The following TSHZ3 variants were observed in gnomAD, a reference collection of about 807,000 sequenced individuals.
TSHZ3 encodes the protein teashirt homolog 3.
TSHZ3 carries 10 observed loss-of-function variants against 64.5 expected under a neutral mutation model. The ratio of observed to expected loss-of-function variants is 0.16; its 90% confidence interval spans 0.10 to 0.26. The LOEUF is 0.26. Ranked by LOEUF, TSHZ3 falls within the 10% of genes least tolerant of loss-of-function variation. The pLI is 1.00. For synonymous variants in TSHZ3, 608 were observed against 593.1 expected, an observed-to-expected ratio of 1.03 and a Z score of -0.36; for missense variants, 1,242 against 1,421.7, an observed-to-expected ratio of 0.87 and a Z score of 2.03.
At chr19:31,208,698 G>A (rs1975220199) in intron 4 of TSHZ3, among the ~76,000 whole-genome samples, 1 of 152,182 alleles carries the variant, frequency 6.6e-6, no homozygotes, top group South Asian at 2.1e-4. Flanking sequence ...TTATGTAGGG[G>A]CAGTGAAGAC....
At chr19:31,268,985 A>G (rs1217841724) in intron 1 of TSHZ3, among the ~76,000 whole-genome samples, 1 of 152,104 alleles carries the variant, frequency 6.6e-6, no homozygotes, top group Non-Finnish European at 1.5e-5. Flanking sequence ...AGGTCCCCAC[A>G]GGTGCTATCC....
chr19:31,196,409 G>A (rs1974994496), intron 5 of TSHZ3, among the ~76,000 whole-genome samples: 1 of 151,906 alleles, frequency 6.6e-6, no homozygotes, highest in Non-Finnish European at 1.5e-5. Flanking sequence ...GAGATAACAA[G>A]AACAAAGGGA....
chr19:31,349,890 G>A (rs949893801), upstream of TSHZ3, among the ~76,000 whole-genome samples: 4 of 146,300 alleles, frequency 2.7e-5, no homozygotes, highest in South Asian at 2.1e-4. Context: ...TCGCCCGCCC[G>A]CGGGGGCGCC....
In TSHZ3 at chr19:31,322,529, T is replaced by C. The variant is rs570034118; in HGVS notation, c.40+26651A>G. ...ATGAACTCCTGGGCTCAAGGGATTC[T>C]CCCATCTCAGCCTCCCAAGTAGCTG... is the stretch of plus-strand genomic sequence containing the variant. On this transcript the variant is annotated intron_variant, in intron 1 of 1. Coordinates refer to ENST00000240587, the MANE Select transcript of TSHZ3 (RefSeq NM_020856.4). Among the ~76,000 whole-genome samples, 3 of 152,198 alleles carry C rather than the reference T, an allele frequency of 2.0e-5. No homozygotes were observed. In the East Asian group the frequency reaches 5.8e-4, roughly 29 times the overall value.
intron 5 of TSHZ3, among the ~76,000 whole-genome samples, chr19:31,192,830 T>C (rs1415093855): frequency 6.6e-6 from 1 of 152,242 alleles, no homozygotes; most frequent in Non-Finnish European, 1.5e-5. Context: ...CTTTCTTTAA[T>C]TGGATTTAAT....
chr19:31,207,469 G>A (rs1341988880), intron 4 of TSHZ3: 1 of 152,108 alleles, frequency 6.6e-6, no homozygotes, highest in African/African-American at 2.4e-5. Context: ...GTCACAGGGA[G>A]AAGCAACTTT....
intron 1 of TSHZ3, among the ~76,000 whole-genome samples, chr19:31,260,430 C>T (rs1975969949): frequency 6.6e-6 from 1 of 152,200 alleles, no homozygotes; most frequent in Non-Finnish European, 1.5e-5. Flanking sequence ...AATCTGAGAC[C>T]TGGGGCTGTG....
chr19:31,277,301 A>G lies in TSHZ3; in HGVS notation c.2492T>C (p.Val831Ala). 1 of 1,613,638 alleles carries G rather than the reference A, an allele frequency of 6.2e-7. No individual in the cohort carries two copies. Among genetic ancestry groups the G allele is most frequent in the Non-Finnish European group, 8.5e-7 (1 of 1,179,512 alleles). Residue 831 changes from valine to alanine, a missense_variant, in exon 2 of 2, where the codon GTA (valine) becomes GCA (alanine). Coordinates refer to ENST00000240587, the MANE Select transcript of TSHZ3 (RefSeq NM_020856.4). The surrounding 1 kb of genome is among the most constrained non-coding windows in gnomAD (Gnocchi z 4.5). Reference protein sequence around the residue: ...TVTTAKTSAVVSFMSNSPLRE... With the variant: ...TVTTAKTSAVASFMSNSPLRE... ...TAGCGGCGAGTTTGACATGAATGAT[A>G]CGACGGCAGATGTCTTTGCCGTTGT...
chr19:31,249,519 G>A (rs765135395), intron 1 of TSHZ3, among the ~76,000 whole-genome samples: 4 of 151,720 alleles, frequency 2.6e-5, no homozygotes, highest in African/African-American at 4.8e-5. Context: ...ATGCGCGCCC[G>A]CACACACACA....
Position 31,331,961 on chromosome 19 carries a change from G to A in TSHZ3, c.40+17219C>T, listed in dbSNP as rs551354959. ...AGGAGGAGGAAGGGAGAGGAGGTACGTGAAGAAGATGTCCCCCATAAAACC... is the reference window on the plus strand; with the variant it reads ...AGGAGGAGGAAGGGAGAGGAGGTACATGAAGAAGATGTCCCCCATAAAACC... On this transcript the variant is annotated intron_variant, in intron 1 of 1. Coordinates refer to ENST00000240587, the MANE Select transcript of TSHZ3 (RefSeq NM_020856.4). Among the ~76,000 whole-genome samples, 5 of 152,286 alleles carry A rather than the reference G, an allele frequency of 3.3e-5. No individual in the cohort carries two copies. In the South Asian group the frequency reaches 6.2e-4, roughly 19 times the overall value.
chr19:31,284,236 T>G (rs1976415471), intron 1 of TSHZ3, among the ~76,000 whole-genome samples: 1 of 151,952 alleles, frequency 6.6e-6, no homozygotes, highest in Non-Finnish European at 1.5e-5. Context: ...AGCAAGGAGT[T>G]GTAACAGCCT....
At chr19:31,237,327 G>A (rs1372160381) in intron 3 of TSHZ3, among the ~76,000 whole-genome samples, 30 of 152,092 alleles carry the variant, frequency 2.0e-4, no homozygotes, top group Non-Finnish European at 1.5e-5. Context: ...ATTGCAATAT[G>A]TCCTTATGAT....
chr19:31,182,983 G>T (rs752003376), intron 5 of TSHZ3, among the ~76,000 whole-genome samples: 1 of 152,066 alleles, frequency 6.6e-6, no homozygotes, highest in Non-Finnish European at 1.5e-5. Context: ...CCATAATGTG[G>T]GTGGGCCTCA....
chr19:31,345,689 T>C (rs566272623), intron 1 of TSHZ3, among the ~76,000 whole-genome samples: 54 of 71,810 alleles, frequency 7.5e-4, no homozygotes, highest in African/African-American at 1.5e-3. Flanking sequence ...TTTTGTTTGG[T>C]TTTTTTTTCT....
At chr19:31,324,356 C>T (rs1916870965) in intron 1 of TSHZ3, among the ~76,000 whole-genome samples, 1 of 152,202 alleles carries the variant, frequency 6.6e-6, no homozygotes, top group South Asian at 2.1e-4. Context: ...TGCCAGTTGA[C>T]TTACACCTCC....
At chr19:31,252,778 G>C (rs901778488) in intron 1 of TSHZ3, among the ~76,000 whole-genome samples, 5 of 152,160 alleles carry the variant, frequency 3.3e-5, no homozygotes, top group Admixed American at 6.5e-5. Flanking sequence ...CTTCATAGTA[G>C]TATGAGAATG....
chr19:31,268,935 G>A (rs111384370), intron 1 of TSHZ3, among the ~76,000 whole-genome samples: 6 of 152,206 alleles, frequency 3.9e-5, no homozygotes, highest in African/African-American at 1.4e-4. Flanking sequence ...TGTACCCCAA[G>A]CTCAGCGCCC....
intron 1 of TSHZ3, among the ~76,000 whole-genome samples, chr19:31,342,391 T>C (rs1266619863): frequency 1.3e-5 from 2 of 152,238 alleles, no homozygotes; most frequent in Admixed American, 6.5e-5. Context: ...AGTGGACATA[T>C]AAAATCAATT....
At chr19:31,295,923 C>T (rs574792717) in intron 1 of TSHZ3, among the ~76,000 whole-genome samples, 1 of 145,412 alleles carries the variant, frequency 6.9e-6, no homozygotes, top group African/African-American at 2.6e-5. Flanking sequence ...CAGCCCTTGC[C>T]CCTCGCTTTC....
Sources: allele counts gnomAD v4.1 joint callset (sites outside exome capture counted in the v4.1 genomes callset), GRCh38; gene constraint gnomAD v4.1.1; non-coding constraint Gnocchi (gnomAD v3.1); transcripts MANE v1.5; gene names NCBI Gene and HGNC (gene_info 2026-07-23, HGNC 2026-07-21).